The following KANK1 variants were observed in gnomAD, a reference collection of about 807,000 sequenced individuals.
KANK1 encodes the protein KN motif and ankyrin repeat domain-containing protein 1.
In KANK1, 109 loss-of-function variants were observed where a neutral mutation model predicts 106.2. The ratio of observed to expected loss-of-function variants is 1.03; its 90% CI spans 0.88 to 1.20. The LOEUF (loss-of-function observed/expected upper bound fraction) is 1.20. Ranked by LOEUF, KANK1 falls within the 50% of genes most tolerant of loss-of-function variation. KANK1 has a pLI of 0.00. For synonymous variants in KANK1, 873 were observed against 652.2 expected (o/e 1.34, Z -5.16); for missense variants, 2,399 against 1,710.7 (o/e 1.40, Z -7.10).
At chr9:473,702 A>ATT (rs202023060) in intron 3 of KANK1, among the ~76,000 whole-genome samples, 19 of 144,892 alleles carry the variant, frequency 1.3e-4, no homozygotes, top group African/African-American at 3.8e-4. Flanking sequence ...AAGAACAAGA[A>ATT]TTTTTTTTTT....
At chr9:607,328 A>C (rs1427725409) in intron 1 of KANK1, among the ~76,000 whole-genome samples, 1 of 151,544 alleles carries the variant, frequency 6.6e-6, no homozygotes, top group Admixed American at 6.6e-5. Context: ...TCTACTATAA[A>C]TACAAAAATT....
chr9:502,387 C>T (rs74450190), upstream of KANK1, among the ~76,000 whole-genome samples: 3,744 of 152,182 alleles, frequency 0.025, 159 homozygotes, highest in South Asian at 0.11. Flanking sequence ...AAGTATAAAT[C>T]CACTAAAAAT....
chr9:586,774 G>A (rs991627317), intron 1 of KANK1, among the ~76,000 whole-genome samples: 1 of 152,152 alleles, frequency 6.6e-6, no homozygotes, highest in Non-Finnish European at 1.5e-5. Flanking sequence ...GTGGTGGAGA[G>A]TCACGAGAGC....
intron 1 of KANK1, among the ~76,000 whole-genome samples, chr9:627,334 C>T (rs1834592406): frequency 1.3e-5 from 2 of 152,098 alleles, no homozygotes; most frequent in African/African-American, 4.8e-5. Context: ...AAATAGAAGT[C>T]CTCATCTTCT....
chr9:477,980 T>C (rs1214815259), intron 3 of KANK1: 1 of 160,174 alleles, frequency 6.2e-6, no homozygotes, highest in Non-Finnish European at 1.4e-5. Flanking sequence ...CCAAAATAAG[T>C]TGGTGATGAC....
intron 8 of KANK1, among the ~76,000 whole-genome samples, chr9:739,964 G>A (rs1467368117): frequency 6.6e-6 from 1 of 152,096 alleles, no homozygotes; most frequent in African/African-American, 2.4e-5. Flanking sequence ...TTAAAAACAT[G>A]TCCTTAGTAT....
intron 3 of KANK1, among the ~76,000 whole-genome samples, chr9:492,603 T>C (rs1432988506): frequency 6.6e-6 from 1 of 152,070 alleles, no homozygotes; most frequent in Admixed American, 6.5e-5. Context: ...AAGTACTAAG[T>C]AAATATCATT....
In KANK1 at chr9:741,344, C is replaced by T. The variant is rs568849686; in HGVS notation, c.3696+410C>T. 2.6e-4 allele frequency among the ~76,000 whole-genome samples: 40 copies of T among 151,256 alleles called. 1 individual carries two copies. The highest frequency in any genetic ancestry group is 8.5e-4 in the African/African-American group (35 of 41,254). Reference sequence around the variant, plus strand: ...GCTTGACTTTTTTTTTTTTAAGAGACGGTCTTGCTCTGTCCCCCAGGCTGG... The same window carrying T: ...GCTTGACTTTTTTTTTTTTAAGAGATGGTCTTGCTCTGTCCCCCAGGCTGG... On this transcript the variant is annotated intron_variant, in intron 9 of 11. Coordinates refer to ENST00000382297, the MANE Select transcript of KANK1 (RefSeq NM_015158.5).
chr9:611,964 A>C (rs1351412014), intron 1 of KANK1, among the ~76,000 whole-genome samples: 1 of 152,140 alleles, frequency 6.6e-6, no homozygotes, highest in Non-Finnish European at 1.5e-5. Flanking sequence ...GTGATCCGCC[A>C]GTCTCGGCCT....
chr9:586,394 C>G (rs1187430319), intron 1 of KANK1, among the ~76,000 whole-genome samples: 1 of 152,086 alleles, frequency 6.6e-6, no homozygotes, highest in African/African-American at 2.4e-5. Flanking sequence ...GTTAGAGGCT[C>G]TTGTTATAAA....
At chr9:564,025 G>A (rs1475554221) in intron 1 of KANK1, among the ~76,000 whole-genome samples, 1 of 151,062 alleles carries the variant, frequency 6.6e-6, no homozygotes, top group African/African-American at 2.4e-5. Context: ...AACTTCTCGC[G>A]TCTGTCTCCT....
intron 1 of KANK1, among the ~76,000 whole-genome samples, chr9:564,893 T>C (rs1817435347): frequency 6.6e-6 from 1 of 152,212 alleles, no homozygotes; most frequent in Admixed American, 6.5e-5. Flanking sequence ...CCCACTCTGG[T>C]CCACACAGGT....
intron 1 of KANK1, among the ~76,000 whole-genome samples, chr9:630,624 G>A (rs567298940): frequency 6.7e-6 from 1 of 149,200 alleles, no homozygotes; most frequent in Non-Finnish European, 1.5e-5. Context: ...GCTTAGGGCT[G>A]GGCGCGGTGG....
At chr9:632,665 T>G (rs776471158) in intron 1 of KANK1, among the ~76,000 whole-genome samples, 5 of 152,190 alleles carry the variant, frequency 3.3e-5, no homozygotes, top group Non-Finnish European at 5.9e-5. Context: ...TTGATCCTCA[T>G]GAGATAATGA....
Position 745,988 on chromosome 9 carries a change from T to G in KANK1, c.*753T>G, listed in dbSNP as rs1837067461. 6.5e-6 allele frequency: 1 copy of G among 152,692 alleles called. No homozygotes were observed. Among genetic ancestry groups the G allele is most frequent in the African/African-American group, 2.4e-5 (1 of 41,470 alleles). 9.5% of individuals were successfully genotyped at this position (152,692 alleles called of 1,614,324 possible). On this transcript the variant is annotated 3_prime_UTR_variant, in exon 12 of 12. Coordinates refer to ENST00000382297, the MANE Select transcript of KANK1 (RefSeq NM_015158.5). ...CTCTAGAGAAACACAGTGTTCTCTT[T>G]GTATTTATGGATTCCTTTTTACCGT...
At chr9:690,057 GTGGGTGGATC>G (rs1819497648) in intron 2 of KANK1, among the ~76,000 whole-genome samples, 7 of 150,292 alleles carry the variant, frequency 4.7e-5, no homozygotes, top group Non-Finnish European at 1.0e-4. Flanking sequence ...GGAGGCTGAG[GTGGGTGGATC>G]ACCTGAGGTC....
intron 1 of KANK1, among the ~76,000 whole-genome samples, chr9:626,490 T>G (rs1023599135): frequency 6.6e-6 from 1 of 152,224 alleles, no homozygotes; most frequent in Admixed American, 6.5e-5. Flanking sequence ...GATACAAATA[T>G]TCTGAATGCT....
At chr9:575,799 G>A (rs1168207727) in intron 1 of KANK1, among the ~76,000 whole-genome samples, 1 of 152,220 alleles carries the variant, frequency 6.6e-6, no homozygotes, top group South Asian at 2.1e-4. Flanking sequence ...AGGCGGGCCC[G>A]ATCACTTGAG....
intron 1 of KANK1, among the ~76,000 whole-genome samples, chr9:657,538 G>C (rs940383685): frequency 6.6e-6 from 1 of 151,938 alleles, no homozygotes; most frequent in East Asian, 1.9e-4. Context: ...TGCTACCGAT[G>C]CTTTGTTTTT....
Sources: gnomAD v4.1 joint callset for allele counts (sites outside exome capture counted in the v4.1 genomes callset) on GRCh38, gnomAD v4.1.1 for gene constraint, MANE v1.5 for transcripts, NCBI Gene and HGNC (gene_info 2026-07-23, HGNC 2026-07-21) for gene names.